QSOX2: variants seen among roughly 807,000 people sequenced by gnomAD.
QSOX2 encodes quiescin sulfhydryl oxidase 2.
QSOX2 carries 46 observed loss-of-function variants against 61.7 expected under a neutral mutation model. The ratio of observed to expected loss-of-function variants is 0.75; its 90% CI spans 0.59 to 0.95. The LOEUF (loss-of-function observed/expected upper bound fraction) is 0.95. Ranked by LOEUF, QSOX2 falls within the 40% of genes least tolerant of loss-of-function variation. The pLI is 0.00. For synonymous variants in QSOX2, 383 were observed against 388.4 expected (o/e 0.99, Z 0.16); for missense variants, 879 against 918.9 (o/e 0.96, Z 0.56).
rs1375214018 is a variant in QSOX2 at position 136,209,600 on chromosome 9, C to T, written c.1550-325G>A. The T allele has an allele frequency of 1.0e-5, 10 of 985,262 alleles. No individual in the cohort carries two copies. The highest frequency in any genetic ancestry group is 1.2e-4 in the Admixed American group (2 of 16,272). 61.0% of individuals were successfully genotyped at this position (985,262 alleles called of 1,614,324 possible). ...ACCACCCAGCACTCCACTTCCAAAA[C>T]GGAGCATGCAGCTCTCACCTGGAGG... On this transcript the variant is annotated intron_variant, in intron 11 of 11. Coordinates refer to ENST00000358701, the MANE Select transcript of QSOX2 (RefSeq NM_181701.4). This position sits in a 1 kb window ranked among gnomAD's most constrained non-coding sequence, Gnocchi z 5.6.
intron 11 of QSOX2, chr9:136,210,525 G>A (rs995546048): frequency 1.6e-5 from 16 of 985,354 alleles, no homozygotes; most frequent in South Asian, 4.7e-5. Context: ...CTGCCAGGGC[G>A]GAGAGACGGA....
rs1830221217 is a variant in QSOX2, at chr9:136,222,090, C to A, written c.676-149G>T. The stretch of plus-strand genomic sequence containing the variant: ...GGCAAGACCCTCACTCAAATCTTCA[C>A]TCTCATTGCACTTTAAGGCAACTGA... On this transcript the variant is annotated intron_variant, in intron 5 of 11. Coordinates refer to ENST00000358701, the MANE Select transcript of QSOX2 (RefSeq NM_181701.4). The surrounding 1 kb of genome is among the most constrained non-coding windows in gnomAD (Gnocchi z 6.9). 2 of 754,664 alleles carry A rather than the reference C, an allele frequency of 2.7e-6. No homozygotes were observed. The highest frequency in any genetic ancestry group is 3.8e-6 in the Non-Finnish European group (2 of 519,932). The allele number at this position is 754,664 out of a possible 1,614,324, so 46.7% of individuals were successfully genotyped here.
At chr9:136,211,497 T>A in intron 10 of QSOX2, 45 bp from the exon 11 acceptor site, 1 of 1,588,186 alleles carries the variant, frequency 6.3e-7, no homozygotes, top group South Asian at 1.1e-5. Flanking sequence ...TGCGTGGGCA[T>A]CACCTGACCC....
chr9:136,238,530 C>T (rs1469512470), intron 1 of QSOX2, among the ~76,000 whole-genome samples: 2 of 152,322 alleles, frequency 1.3e-5, no homozygotes, highest in East Asian at 3.9e-4. Context: ...GCCTCATTCC[C>T]GCCTCGCAAT....
chr9:136,225,692 C>G (rs1157761185), intron 2 of QSOX2, among the ~76,000 whole-genome samples: 2 of 152,254 alleles, frequency 1.3e-5, no homozygotes, highest in Non-Finnish European at 2.9e-5. Context: ...GGAAGGCGCA[C>G]AGCAGCGCCG....
chr9:136,235,737 G>A (rs1336504382), intron 1 of QSOX2, among the ~76,000 whole-genome samples: 3 of 152,180 alleles, frequency 2.0e-5, no homozygotes, highest in African/African-American at 7.2e-5. Context: ...TCACACCCAG[G>A]CGACCCGTGG....
chr9:136,230,150 G>A (rs1028268894), intron 1 of QSOX2, among the ~76,000 whole-genome samples: 26 of 152,168 alleles, frequency 1.7e-4, no homozygotes, highest in African/African-American at 5.3e-4. Context: ...GTGGTGGTGC[G>A]TGCCTGTAGT....
At position 136,223,758 on chromosome 9, in the gene QSOX2, C is replaced by T. The variant is rs374951564; in HGVS notation, c.675+5G>A. 2.4e-5 allele frequency: 39 copies of T among 1,613,144 alleles called. No homozygotes were observed. In the East Asian group the frequency reaches 2.5e-4, roughly 10 times the overall value. ...TGACACCTGGAGCCCACGCAGAGGC[C>T]GTACCTCCCGTCCAAGGTAGGAGCT... On this transcript the variant is annotated splice_donor_5th_base_variant and intron_variant, in intron 5 of 11. Transcript: ENST00000358701. The surrounding 1 kb of genome is among the most constrained non-coding windows in gnomAD (Gnocchi z 4.4).
In QSOX2 at chr9:136,223,983, C is replaced by G; in HGVS notation, c.584+24G>C. ...CACAGTTCAACACGAGTCTAACGGCCGCCTTCTTCATGGAGCTACTCACTG... is the reference window on the plus strand; with the variant it reads ...CACAGTTCAACACGAGTCTAACGGCGGCCTTCTTCATGGAGCTACTCACTG... On this transcript the variant is annotated intron_variant, in intron 4 of 11. Coordinates refer to ENST00000358701, the MANE Select transcript of QSOX2 (RefSeq NM_181701.4). The surrounding 1 kb of genome is among the most constrained non-coding windows in gnomAD (Gnocchi z 4.4). 1 of 1,602,664 alleles carries G rather than the reference C, an allele frequency of 6.2e-7. No homozygotes were observed. Among genetic ancestry groups the G allele is most frequent in the East Asian group, 2.2e-5 (1 of 44,794 alleles).
At chr9:136,236,592 G>A (rs1283972478) in intron 1 of QSOX2, among the ~76,000 whole-genome samples, 1 of 152,204 alleles carries the variant, frequency 6.6e-6, no homozygotes, top group Non-Finnish European at 1.5e-5. Context: ...AGACTTACAC[G>A]GGTGCACTCC....
At chr9:136,224,146 T>C (rs1476718695) in intron 3 of QSOX2, 34 bp from the exon 4 acceptor site, 2 of 1,562,524 alleles carry the variant, frequency 1.3e-6, no homozygotes, top group African/African-American at 2.7e-5. Flanking sequence ...GAGCTGTGTG[T>C]GCGGCTGTCC....
At chr9:136,216,519 G>A (rs1697544369) in intron 9 of QSOX2, 81 bp downstream of exon 9, 1 of 1,571,156 alleles carries the variant, frequency 6.4e-7, no homozygotes, top group Admixed American at 1.7e-5. Context: ...CCCCGAGCAG[G>A]GAGATGCACC....
chr9:136,236,706 C>T (rs1338568934), intron 1 of QSOX2, among the ~76,000 whole-genome samples: 1 of 152,160 alleles, frequency 6.6e-6, no homozygotes, highest in Non-Finnish European at 1.5e-5. Flanking sequence ...CAGTCCTGTG[C>T]CTGCGTCACG....
In QSOX2 at chr9:136,208,856, A is replaced by C. The variant is rs773967727; in HGVS notation, c.1969T>G (p.Ser657Ala). The C allele has an allele frequency of 6.2e-7, 1 of 1,613,988 alleles. No individual in the cohort carries two copies. The highest frequency in any genetic ancestry group is 2.2e-5 in the East Asian group (1 of 44,866). The change falls in exon 12 of 12, where the codon TCC becomes GCC. Residue 657 changes from serine to alanine, a missense_variant. Physicochemically the swap from Ser to Ala is moderately conservative, Grantham distance 99. Transcript: ENST00000358701. ...ACACAGAGACTCATGTCCAGGCTGG[A>C]GAAGTCAACCCCGAGGAAGGGTGCG... ...GAAPFLGVDF[S>A]SLDMSLCVVL...
rs530167459 is a variant in QSOX2, at chr9:136,226,511, G to A, written c.429+263C>T. The stretch of plus-strand genomic sequence containing the variant: ...TGCAGGCTGCAGGGGGTCTTTTCAC[G>A]CATCCCCTCCATGTGACCGGGTCTG... On this transcript the variant is annotated intron_variant, in intron 2 of 11. Coordinates refer to ENST00000358701, the MANE Select transcript of QSOX2 (RefSeq NM_181701.4). 3.9e-5 allele frequency among the ~76,000 whole-genome samples: 6 copies of A among 152,236 alleles called. No homozygotes were observed. In the South Asian group the frequency reaches 6.2e-4, roughly 16 times the overall value.
At position 136,206,762 on chromosome 9, in the gene QSOX2, G is replaced by A. The variant is rs1003957106; in HGVS notation, c.*1966C>T. The A allele has an allele frequency of 2.0e-5, 3 of 152,290 alleles. No homozygotes were observed. The highest frequency in any genetic ancestry group is 1.3e-4 in the Admixed American group (2 of 15,272). The allele number at this position is 152,290 out of a possible 1,614,324, so 9.4% of individuals were successfully genotyped here. On this transcript the variant is annotated 3_prime_UTR_variant, in exon 12 of 12. Transcript: ENST00000358701. ...AAACTGCAATATGATGAAACCTGCA[G>A]CCAACACTGCCCTCCACAAGGGTTT...
At chr9:136,227,003 G>C in intron 1 of QSOX2, 129 bp from the exon 2 acceptor site, 1 of 713,844 alleles carries the variant, frequency 1.4e-6, no homozygotes, top group Non-Finnish European at 2.5e-6. Context: ...TAGGTCATCA[G>C]TTAGGCCCTC....
chr9:136,209,443 G>C lies in QSOX2; in HGVS notation c.1550-168C>G, dbSNP rs1348605393. The C allele has an allele frequency of 2.0e-6, 2 of 985,256 alleles. No individual in the cohort carries two copies. The highest frequency in any genetic ancestry group is 3.5e-5 in the African/African-American group (2 of 57,234). The allele number at this position is 985,256 out of a possible 1,614,324, so 61.0% of individuals were successfully genotyped here. ...CCCTTCCCACCACCCGTCCCTTGCA[G>C]TTCGGCCCAGATAACATCCTGCTTC... On this transcript the variant is annotated intron_variant, in intron 11 of 11. Coordinates refer to ENST00000358701, the MANE Select transcript of QSOX2 (RefSeq NM_181701.4). The surrounding 1 kb of genome is among the most constrained non-coding windows in gnomAD (Gnocchi z 5.6).
Position 136,221,729 on chromosome 9 carries a change from C to A in QSOX2, c.821+67G>T. 1 of 1,492,624 alleles carries A rather than the reference C, an allele frequency of 6.7e-7. No homozygotes were observed. The highest frequency in any genetic ancestry group is 9.0e-7 in the Non-Finnish European group (1 of 1,112,380). 92.5% of individuals were successfully genotyped at this position (1,492,624 alleles called of 1,614,324 possible). On this transcript the variant is annotated intron_variant, in intron 6 of 11. Transcript: ENST00000358701. The surrounding 1 kb of genome is among the most constrained non-coding windows in gnomAD (Gnocchi z 4.5). ...CGATCTCACACCAGACTTGCACTGTCTACTCGGAGCCTCTGTCCGGTAACT... is the reference window on the plus strand; with the variant it reads ...CGATCTCACACCAGACTTGCACTGTATACTCGGAGCCTCTGTCCGGTAACT...
Sources: allele counts gnomAD v4.1 joint callset (sites outside exome capture counted in the v4.1 genomes callset), GRCh38; gene constraint gnomAD v4.1.1; non-coding constraint Gnocchi (gnomAD v3.1); transcripts MANE v1.5; gene names NCBI Gene and HGNC (gene_info 2026-07-23, HGNC 2026-07-21).